HABP4: variants seen among roughly 807,000 people sequenced by gnomAD.
HABP4 encodes hyaluronan binding protein 4.
A neutral mutation model predicts 44.1 loss-of-function variants in HABP4; 32 were observed. That is an observed-to-expected ratio of 0.73 (90% confidence interval 0.55 to 0.97). The LOEUF is 0.97. Among genes scored for constraint, HABP4 ranks in the 50% least tolerant of loss-of-function variants. HABP4 has a pLI of 0.00. For synonymous variants in HABP4, 216 were observed against 218.0 expected (o/e 0.99, Z 0.08); for missense variants, 503 against 561.9 (o/e 0.90, Z 1.06).
At chr9:96,454,864 C>T (rs886225214) in intron 1 of HABP4, among the ~76,000 whole-genome samples, 1 of 152,194 alleles carries the variant, frequency 6.6e-6, no homozygotes, top group Admixed American at 6.5e-5. Context: ...CGCCTGTGAT[C>T]CCAGCACTGG....
At chr9:96,467,461 A>G (rs1206697118) in intron 4 of HABP4, among the ~76,000 whole-genome samples, 2 of 151,386 alleles carry the variant, frequency 1.3e-5, no homozygotes, top group Non-Finnish European at 2.9e-5. Flanking sequence ...AAAGTAATAT[A>G]GGCACTTTCT....
At chr9:96,486,944 C>T (rs1427756849) in intron 6 of HABP4, among the ~76,000 whole-genome samples, 2 of 151,996 alleles carry the variant, frequency 1.3e-5, no homozygotes, top group Non-Finnish European at 2.9e-5. Context: ...CCCAGGGAGA[C>T]CTTACCAGCG....
intron 1 of HABP4, among the ~76,000 whole-genome samples, chr9:96,457,318 G>A (rs1832412340): frequency 1.3e-5 from 2 of 151,702 alleles, no homozygotes; most frequent in South Asian, 4.2e-4. Flanking sequence ...TCCAGCCTGG[G>A]CAACAAGAGT....
In HABP4 at chr9:96,488,275, G is replaced by A. The variant is rs1833012104; in HGVS notation, c.1185+1G>A. The A allele has an allele frequency of 6.2e-7, 1 of 1,606,030 alleles. No individual in the cohort carries two copies. Among genetic ancestry groups the A allele is most frequent in the African/African-American group, 1.3e-5 (1 of 74,772 alleles). ...CTATGGACCCAGAGCAGAAGTGGTG[G>A]TAGGTGTCTGTATTGACGGTTTGGC... On this transcript the variant is annotated splice_donor_variant, in intron 7 of 7. Coordinates refer to ENST00000375249, the MANE Select transcript of HABP4 (RefSeq NM_014282.4). LOFTEE classifies it high-confidence loss of function. The surrounding 1 kb of genome is among the most constrained non-coding windows in gnomAD (Gnocchi z 4.6).
intron 2 of HABP4, among the ~76,000 whole-genome samples, chr9:96,464,028 G>A (rs1388819193): frequency 6.6e-6 from 1 of 152,246 alleles, no homozygotes; most frequent in South Asian, 2.1e-4. Context: ...CAAGTCCTCA[G>A]AAAGAGTGCT....
intron 2 of HABP4, among the ~76,000 whole-genome samples, chr9:96,463,038 G>A (rs1341931644): frequency 6.6e-6 from 1 of 152,018 alleles, no homozygotes; most frequent in Non-Finnish European, 1.5e-5. Context: ...TGCACTCCTG[G>A]GCTCAAGTAA....
chr9:96,485,116 G>T (rs1832947539), intron 6 of HABP4, among the ~76,000 whole-genome samples: 2 of 151,732 alleles, frequency 1.3e-5, no homozygotes, highest in Non-Finnish European at 2.9e-5. Context: ...GCAGTGGCGC[G>T]ATCTTGGCTC....
Position 96,490,183 on chromosome 9 carries a change from G to T in HABP4, c.*145G>T. ...AATTTGTTGCACTTTTTTGGGCTGAGCTGTTAGAGGGGCTTCTCCAGAGGC... is the reference window on the plus strand; with the variant it reads ...AATTTGTTGCACTTTTTTGGGCTGATCTGTTAGAGGGGCTTCTCCAGAGGC... On this transcript the variant is annotated 3_prime_UTR_variant, in exon 8 of 8. Transcript: ENST00000375249. 4.6e-6 allele frequency: 3 copies of T among 647,032 alleles called. No homozygotes were observed. Among genetic ancestry groups the T allele is most frequent in the Non-Finnish European group, 8.4e-6 (3 of 355,638 alleles). 40.1% of individuals were successfully genotyped at this position (647,032 alleles called of 1,614,324 possible). A position where few individuals can be genotyped will look rare whatever the true frequency, so the allele number is the denominator to read the frequency against.
rs1564172077 is a variant in HABP4 at position 96,490,301 on chromosome 9, T to C, written c.*263T>C. 2 of 510,432 alleles carry C rather than the reference T, an allele frequency of 3.9e-6. No homozygotes were observed. Among genetic ancestry groups the C allele is most frequent in the Admixed American group, 3.3e-5 (1 of 30,438 alleles). 31.6% of individuals were successfully genotyped at this position (510,432 alleles called of 1,614,324 possible). On this transcript the variant is annotated 3_prime_UTR_variant, in exon 8 of 8. Coordinates refer to ENST00000375249, the MANE Select transcript of HABP4 (RefSeq NM_014282.4). ...TGAAGAATAATGTTTAAAATGTGTA[T>C]ATAGAGATAGTATAGACTCCTCCGC...
intron 1 of HABP4, among the ~76,000 whole-genome samples, chr9:96,457,341 CA>C (rs1231580869): frequency 2.0e-5 from 3 of 146,852 alleles, no homozygotes; most frequent in African/African-American, 5.0e-5. Flanking sequence ...AACTCAGTCT[CA>C]AAAAAAAAAC....
chr9:96,489,896 T>C, intron 7 of HABP4, 86 bp from the exon 8 acceptor site: 2 of 849,650 alleles, frequency 2.4e-6, no homozygotes, highest in South Asian at 2.6e-5. Flanking sequence ...CCCCTCAGCG[T>C]TGGTGCCAGG....
At chr9:96,457,389 T>C (rs1366815074) in intron 1 of HABP4, among the ~76,000 whole-genome samples, 1 of 151,714 alleles carries the variant, frequency 6.6e-6, no homozygotes, top group Non-Finnish European at 1.5e-5. Flanking sequence ...CCCAGCACAG[T>C]GTCCAAGTGC....
rs16910879 is a variant in HABP4 at position 96,488,459 on chromosome 9, C to A, written c.1185+185C>A. On this transcript the variant is annotated intron_variant, in intron 7 of 7. Coordinates refer to ENST00000375249, the MANE Select transcript of HABP4 (RefSeq NM_014282.4). This position sits in a 1 kb window ranked among gnomAD's most constrained non-coding sequence, Gnocchi z 4.6. Reference sequence around the variant, plus strand: ...ATGGACATCTTGCCTAGAGACCGTTCTGTAGCCCTGGCTTCCAGGGTCTGC... The same window carrying A: ...ATGGACATCTTGCCTAGAGACCGTTATGTAGCCCTGGCTTCCAGGGTCTGC... 2.0e-5 allele frequency among the ~76,000 whole-genome samples: 3 copies of A among 152,272 alleles called. No individual in the cohort carries two copies. The highest frequency in any genetic ancestry group is 2.0e-4 in the Admixed American group (3 of 15,298).
intron 5 of HABP4, among the ~76,000 whole-genome samples, chr9:96,479,695 G>T (rs1456415409): frequency 6.6e-6 from 1 of 151,950 alleles, no homozygotes; most frequent in East Asian, 1.9e-4. Flanking sequence ...ATTTTTAGGA[G>T]AGACGGGATT....
chr9:96,480,189 C>CA (rs1379035371), intron 5 of HABP4, among the ~76,000 whole-genome samples: 1 of 151,950 alleles, frequency 6.6e-6, no homozygotes, highest in Non-Finnish European at 1.5e-5. Context: ...CAAAACAAAA[C>CA]AAAAAAACTA....
At chr9:96,460,819 G>T (rs934878286) in intron 2 of HABP4, among the ~76,000 whole-genome samples, 2 of 152,180 alleles carry the variant, frequency 1.3e-5, no homozygotes, top group Non-Finnish European at 2.9e-5. Flanking sequence ...CAGATATGTA[G>T]GGGATTTTCA....
Position 96,450,665 on chromosome 9 carries a change from G to T in HABP4, c.349+37G>T. 8.1e-7 allele frequency: 1 copy of T among 1,239,090 alleles called. No homozygotes were observed. Among genetic ancestry groups the T allele is most frequent in the Non-Finnish European group, 1.0e-6 (1 of 989,636 alleles). 76.8% of individuals were successfully genotyped at this position (1,239,090 alleles called of 1,614,324 possible). ...CAGCGGGGTTAGCGGACCACGGCTC[G>T]GCCCGCTGTGAGACTGGGGTCCCGG... On this transcript the variant is annotated intron_variant, in intron 1 of 7. Coordinates refer to ENST00000375249, the MANE Select transcript of HABP4 (RefSeq NM_014282.4). The surrounding 1 kb of genome is among the most constrained non-coding windows in gnomAD (Gnocchi z 4.8).
intron 5 of HABP4, among the ~76,000 whole-genome samples, chr9:96,472,357 C>T (rs1227979583): frequency 6.6e-6 from 1 of 152,144 alleles, no homozygotes; most frequent in African/African-American, 2.4e-5. Context: ...TTTAATTTCT[C>T]CTCAAAACCC....
intron 5 of HABP4, among the ~76,000 whole-genome samples, chr9:96,482,180 C>T (rs1204664894): frequency 2.0e-5 from 3 of 152,112 alleles, no homozygotes; most frequent in African/African-American, 7.2e-5. Flanking sequence ...CCTCATGATC[C>T]GCCTGCCTCA....
Sources: allele counts gnomAD v4.1 joint callset (sites outside exome capture counted in the v4.1 genomes callset), GRCh38; gene constraint gnomAD v4.1.1; non-coding constraint Gnocchi (gnomAD v3.1); transcripts MANE v1.5; gene names NCBI Gene and HGNC (gene_info 2026-07-23, HGNC 2026-07-21).